MAP6D1: variants seen among roughly 807,000 people sequenced by gnomAD.
MAP6D1 encodes the protein MAP6 domain containing 1.
A neutral mutation model predicts 17.4 loss-of-function variants in MAP6D1; 13 were observed. That is an observed-to-expected ratio of 0.75 (90% CI 0.49 to 1.19). The LOEUF (loss-of-function observed/expected upper bound fraction) is 1.19, where lower values mean the gene tolerates loss of function less well. Ranked by LOEUF, MAP6D1 falls within the 50% of genes most tolerant of loss-of-function variation. The probability of loss-of-function intolerance (pLI) is 0.00; values close to 1 mark genes in which losing one functional copy is unlikely to be tolerated. For missense variants in MAP6D1, 313 were observed against 312.6 expected (o/e 1.00, Z -0.01); for synonymous variants, 141 against 145.7 (o/e 0.97, Z 0.23).
chr3:183,824,217 A>C (rs564063820), intron 1 of MAP6D1, among the ~76,000 whole-genome samples: 9 of 152,338 alleles, frequency 5.9e-5, no homozygotes, highest in Non-Finnish European at 1.2e-4. Flanking sequence ...CCTAGTAGTG[A>C]AATAGCTGCA....
rs999292687 is a variant in MAP6D1, at chr3:183,817,273, C to T, written c.*83G>A. 5.0e-6 allele frequency: 7 copies of T among 1,390,062 alleles called. No homozygotes were observed. Among genetic ancestry groups the T allele is most frequent in the African/African-American group, 1.4e-5 (1 of 69,824 alleles). 86.1% of individuals were successfully genotyped at this position (1,390,062 alleles called of 1,614,324 possible). The stretch of plus-strand genomic sequence containing the variant: ...CTCCCGCAGGGGCCCATGCCATGCT[C>T]TCGCCCAGCCCCGCGGCAGTGGGTC... On this transcript the variant is annotated 3_prime_UTR_variant, in exon 3 of 3. Coordinates refer to ENST00000318631, the MANE Select transcript of MAP6D1 (RefSeq NM_024871.4).
At position 183,818,063 on chromosome 3, in the gene MAP6D1, CT is replaced by C. The variant is rs1357136601; in HGVS notation, c.449del (p.Lys150ArgfsTer28). Reference protein sequence around the residue: ...WTGVKPSRSTKTKPARVITTH... With the variant: ...WTGVKPSRSTXTKPARVITTH... ...TTGTGATGACTCGGGCTGGTTTTGT[CT>C]TTGTGGATCTTGAGGGCTTCACTCC... On this transcript the variant is annotated frameshift_variant, in exon 2 of 3. Coordinates refer to ENST00000318631, the MANE Select transcript of MAP6D1 (RefSeq NM_024871.4). LOFTEE classifies it high-confidence loss of function. 3 of 1,613,992 alleles carry C rather than the reference CT, an allele frequency of 1.9e-6. No individual in the cohort carries two copies. The highest frequency in any genetic ancestry group is 2.5e-6 in the Non-Finnish European group (3 of 1,180,022).
At position 183,825,310 on chromosome 3, in the gene MAP6D1, C is replaced by A; in HGVS notation, c.238G>T (p.Ala80Ser). The A allele has an allele frequency of 7.4e-7, 1 of 1,345,312 alleles. No individual in the cohort carries two copies. The highest frequency in any genetic ancestry group is 9.5e-7 in the Non-Finnish European group (1 of 1,050,306). The allele number at this position is 1,345,312 out of a possible 1,614,324, so 83.3% of individuals were successfully genotyped here. A position where few individuals can be genotyped will look rare whatever the true frequency, so the allele number is the denominator to read the frequency against. Residue 80 changes from alanine to serine, a missense_variant, in exon 1 of 3, where the codon GCC becomes TCC. Ala to Ser is a moderately conservative substitution (Grantham distance 99). Coordinates refer to ENST00000318631, the MANE Select transcript of MAP6D1 (RefSeq NM_024871.4). ...QRDFGLWTTP[A>S]GPKDPPPGRG... The stretch of plus-strand genomic sequence containing the variant: ...CCCGGCGGCGGATCCTTGGGCCCGG[C>A]GGGCGTGGTCCACAAGCCGAAGTCC...
intron 1 of MAP6D1, 149 bp from the exon 2 acceptor site, chr3:183,818,260 A>T (rs1727165836): frequency 2.9e-6 from 2 of 691,628 alleles, no homozygotes; most frequent in Non-Finnish European, 5.1e-6. Flanking sequence ...CCAAAGACAG[A>T]ACTGGCAAGG....
chr3:183,822,952 G>A (rs1727293958), intron 1 of MAP6D1, among the ~76,000 whole-genome samples: 1 of 152,346 alleles, frequency 6.6e-6, no homozygotes, highest in African/African-American at 2.4e-5. Context: ...GAGCTGACTT[G>A]CATGGCGCTG....
chr3:183,825,091 T>C, intron 1 of MAP6D1, 56 bp downstream of exon 1: 1 of 1,303,364 alleles, frequency 7.7e-7, no homozygotes, highest in South Asian at 2.4e-5. Flanking sequence ...GCTCCGGGCC[T>C]CCGCGTCCTC....
At chr3:183,821,978 T>TA (rs530071104) in intron 1 of MAP6D1, among the ~76,000 whole-genome samples, 8 of 150,902 alleles carry the variant, frequency 5.3e-5, no homozygotes, top group South Asian at 2.1e-4. Context: ...AACTTTAAAA[T>TA]AAAAAAAAAG....
Position 183,825,375 on chromosome 3 carries a change from C to T in MAP6D1, c.173G>A (p.Arg58Gln), listed in dbSNP as rs1560357825. Residue 58 changes from arginine (R) to glutamine (Q), a missense_variant, in exon 1 of 3, where the codon CGG becomes CAG. Arg to Gln is a conservative substitution (Grantham distance 43). Transcript: ENST00000318631. ...GAGCGGCACGTCCCGGCCGGAATCC[C>T]GGGCGCCCGCGGGAGGCTGGCCCCT... is the stretch of plus-strand genomic sequence containing the variant. ...SRRGQPPAGA[R>Q]DSGRDVPLTQ... The T allele has an allele frequency of 6.9e-7, 1 of 1,441,598 alleles. No individual in the cohort carries two copies. The highest frequency in any genetic ancestry group is 9.1e-7 in the Non-Finnish European group (1 of 1,099,532). The allele number at this position is 1,441,598 out of a possible 1,614,324, so 89.3% of individuals were successfully genotyped here.
intron 1 of MAP6D1, among the ~76,000 whole-genome samples, chr3:183,824,129 G>A (rs1355917573): frequency 1.3e-5 from 2 of 152,182 alleles, no homozygotes; most frequent in Non-Finnish European, 2.9e-5. Context: ...AGGACAAGGG[G>A]TTTGTTGTAC....
chr3:183,822,292 CA>C (rs375203698), intron 1 of MAP6D1, among the ~76,000 whole-genome samples: 72 of 127,452 alleles, frequency 5.6e-4, no homozygotes, highest in African/African-American at 2.0e-3. Flanking sequence ...CACACACACA[CA>C]AAACCCCACA....
chr3:183,817,619 T>C (rs1325333048), intron 2 of MAP6D1, among the ~76,000 whole-genome samples, 183 bp from the exon 3 acceptor site: 1 of 151,918 alleles, frequency 6.6e-6, no homozygotes, highest in African/African-American at 2.4e-5. Context: ...AGCAGCTGAG[T>C]GGTACACGGA....
At position 183,825,439 on chromosome 3, in the gene MAP6D1, C is replaced by A; in HGVS notation, c.109G>T (p.Asp37Tyr). The A allele has an allele frequency of 6.9e-7, 1 of 1,440,330 alleles. No homozygotes were observed. Among genetic ancestry groups the A allele is most frequent in the Non-Finnish European group, 9.1e-7 (1 of 1,102,342 alleles). The allele number at this position is 1,440,330 out of a possible 1,614,324, so 89.2% of individuals were successfully genotyped here. The change falls in exon 1 of 3, where the codon GAC becomes TAC. Residue 37 changes from aspartate to tyrosine, a missense_variant. By Grantham distance (160) the Asp-to-Tyr change is radical. Transcript: ENST00000318631. ...CCGCCCGTGCCCGGCTCCTCGCTGTCGAGGTCCGAGTAGCCGTGCAGAGTG... is the reference window on the plus strand; with the variant it reads ...CCGCCCGTGCCCGGCTCCTCGCTGTAGAGGTCCGAGTAGCCGTGCAGAGTG... ...PLTLHGYSDL[D>Y]SEEPGTGGAA... is the part of the protein sequence containing the mutation.
intron 1 of MAP6D1, among the ~76,000 whole-genome samples, chr3:183,819,350 G>A (rs1046595284): frequency 4.6e-5 from 7 of 152,218 alleles, no homozygotes; most frequent in South Asian, 2.1e-4. Flanking sequence ...TTCCTCCTGC[G>A]GAAGCAGGTC....
At chr3:183,822,797 G>A (rs895746171) in intron 1 of MAP6D1, among the ~76,000 whole-genome samples, 1 of 152,236 alleles carries the variant, frequency 6.6e-6, no homozygotes, top group African/African-American at 2.4e-5. Flanking sequence ...GAGTCTGGAA[G>A]GCCAGGGGTC....
Position 183,825,524 on chromosome 3 carries a change from G to A in MAP6D1, c.24C>T (p.Arg8=). 2 of 1,383,804 alleles carry A rather than the reference G, an allele frequency of 1.4e-6. No individual in the cohort carries two copies. Among genetic ancestry groups the A allele is most frequent in the Admixed American group, 3.0e-5 (1 of 33,254 alleles). 85.7% of individuals were successfully genotyped at this position (1,383,804 alleles called of 1,614,324 possible). A position where few individuals can be genotyped will look rare whatever the true frequency, so the allele number is the denominator to read the frequency against. Residue 8 remains arginine, a synonymous_variant, in exon 1 of 3, where the codon CGC becomes CGT. Coordinates refer to ENST00000318631, the MANE Select transcript of MAP6D1 (RefSeq NM_024871.4). MAWPCIS[R]LCCLARRWNQ... is the part of the protein sequence containing the mutation. The stretch of plus-strand genomic sequence containing the variant: ...TCCAGCGCCGCGCCAGGCAGCACAG[G>A]CGGCTGATACAGGGCCACGCCATGC...
In MAP6D1 at chr3:183,819,372, G is replaced by A. The variant is rs1002412538; in HGVS notation, c.402-1261C>T. Reference sequence around the variant, plus strand: ...TGCGGAAGCAGGTCCTCCCCTGGGCGCGCCCTTCTGTCCCCAAAACACTTC... The same window carrying A: ...TGCGGAAGCAGGTCCTCCCCTGGGCACGCCCTTCTGTCCCCAAAACACTTC... On this transcript the variant is annotated intron_variant, in intron 1 of 2. Coordinates refer to ENST00000318631, the MANE Select transcript of MAP6D1 (RefSeq NM_024871.4). Among the ~76,000 whole-genome samples the A allele has an allele frequency of 2.0e-5, 3 of 152,326 alleles. No individual in the cohort carries two copies. The South Asian group carries it at 6.2e-4, about 32-fold the overall frequency.
intron 1 of MAP6D1, among the ~76,000 whole-genome samples, chr3:183,818,367 G>A (rs1000063034): frequency 6.6e-6 from 1 of 152,222 alleles, no homozygotes; most frequent in Non-Finnish European, 1.5e-5. Flanking sequence ...GGCTCACCCC[G>A]GTCCCTAAGG....
At position 183,825,216 on chromosome 3, in the gene MAP6D1, C is replaced by A; in HGVS notation, c.332G>T (p.Gly111Val). The change falls in exon 1 of 3, where the codon GGC becomes GTC. Residue 111 changes from glycine to valine, a missense_variant. By Grantham distance (109) the Gly-to-Val change is moderately radical (BLOSUM62 -3). Coordinates refer to ENST00000318631, the MANE Select transcript of MAP6D1 (RefSeq NM_024871.4). The stretch of plus-strand genomic sequence containing the variant: ...GGGCAGCACGTAGACCCCGCGGGCG[C>A]CGGGCGCAGGTGGCGCGGAGGACTG... The part of the protein sequence containing the change: ...SAQSSAPPAP[G>V]ARGVYVLPIG... 1 of 1,434,700 alleles carries A rather than the reference C, an allele frequency of 7.0e-7. No homozygotes were observed. The highest frequency in any genetic ancestry group is 9.2e-7 in the Non-Finnish European group (1 of 1,092,246). The allele number at this position is 1,434,700 out of a possible 1,614,324, so 88.9% of individuals were successfully genotyped here.
At chr3:183,823,580 G>A (rs573438101) in intron 1 of MAP6D1, among the ~76,000 whole-genome samples, 10 of 152,014 alleles carry the variant, frequency 6.6e-5, no homozygotes, top group African/African-American at 2.4e-4. Flanking sequence ...CAGCCTGAGC[G>A]ACAGAGCGAG....
Sources: allele counts gnomAD v4.1 joint callset (sites outside exome capture counted in the v4.1 genomes callset), GRCh38; gene constraint gnomAD v4.1.1; transcripts MANE v1.5; gene names NCBI Gene and HGNC (gene_info 2026-07-23, HGNC 2026-07-21).